Variants in BLTP1 observed in about 807,000 individuals in gnomAD.
BLTP1 encodes the protein bridge-like lipid transfer protein family member 1, also known as fragile site-associated protein.
the BLTP1 span, among the ~76,000 whole-genome samples, chr4:122,296,797 A>G: frequency 6.6e-6 from 1 of 152,210 alleles, no homozygotes; most frequent in Non-Finnish European, 1.5e-5. Context: ...GACAAACTTG[A>G]CAAAAAACAA....
the BLTP1 span, chr4:122,227,123 G>T: frequency 1.3e-6 from 1 of 772,300 alleles, no homozygotes; most frequent in Non-Finnish European, 1.6e-6. Context: ...TATACTTGTT[G>T]GGATATGGCT....
chr4:122,304,889 C>A, the BLTP1 span: 2 of 1,613,942 alleles, frequency 1.2e-6, no homozygotes, highest in Non-Finnish European at 1.7e-6. Context: ...CGACTTCAAA[C>A]CAAAGCTTCA....
chr4:122,307,595 G>A, the BLTP1 span: 4 of 985,114 alleles, frequency 4.1e-6, no homozygotes, highest in East Asian at 2.3e-4. Context: ...TTTAAAAGAA[G>A]TAACAGCTCT....
chr4:122,198,941 A>T, the BLTP1 span, among the ~76,000 whole-genome samples: 1 of 152,118 alleles, frequency 6.6e-6, no homozygotes, highest in East Asian at 1.9e-4. Flanking sequence ...AGAATGGACT[A>T]TATTGCTGAG....
the BLTP1 span, chr4:122,272,018 A>G: frequency 9.0e-7 from 1 of 1,107,860 alleles, no homozygotes; most frequent in Non-Finnish European, 1.3e-6. Flanking sequence ...TGTTGAAGAA[A>G]TTTTTAATCA....
At chr4:122,300,030 GAGTC>G in the BLTP1 span, 1 of 762,996 alleles carries the variant, frequency 1.3e-6, no homozygotes, top group Non-Finnish European at 1.6e-6. Flanking sequence ...TTTTGTTTTT[GAGTC>G]AGTCTCTGTC....
the BLTP1 span, chr4:122,256,225 C>A: frequency 1.1e-6 from 1 of 951,634 alleles, no homozygotes; most frequent in African/African-American, 1.8e-5. Context: ...TCAAGAATCT[C>A]TAGTAAGTGT....
At chr4:122,182,746 G>A in the BLTP1 span, 1 of 985,174 alleles carries the variant, frequency 1.0e-6, no homozygotes, top group Non-Finnish European at 1.2e-6. Context: ...CACATTCACT[G>A]CTCCCTTTCT....
At chr4:122,222,435 T>C in the BLTP1 span, among the ~76,000 whole-genome samples, 1 of 152,182 alleles carries the variant, frequency 6.6e-6, no homozygotes, top group African/African-American at 2.4e-5. Flanking sequence ...TTTGTGGTCA[T>C]CTTATGTATT....
the BLTP1 span, among the ~76,000 whole-genome samples, chr4:122,321,053 A>G: frequency 1.4e-5 from 2 of 139,346 alleles, no homozygotes; most frequent in African/African-American, 2.7e-5. Flanking sequence ...TCGGCTTATG[A>G]TTGGGTTACA....
the BLTP1 span, chr4:122,199,950 T>C: frequency 5.1e-6 from 5 of 973,390 alleles, no homozygotes; most frequent in Non-Finnish European, 6.1e-6. Flanking sequence ...AAATTGCTGA[T>C]TGGGGACTCA....
At chr4:122,211,157 T>G in the BLTP1 span, 14 of 1,426,362 alleles carry the variant, frequency 9.8e-6, no homozygotes, top group Non-Finnish European at 1.2e-5. Context: ...AAAATTTAAT[T>G]GAAAATTGAG....
chr4:122,308,111 T>A, the BLTP1 span: 1 of 1,613,468 alleles, frequency 6.2e-7, no homozygotes, highest in Non-Finnish European at 8.5e-7. Flanking sequence ...TTTCTCCAGC[T>A]CACTGTCAAT....
the BLTP1 span, chr4:122,269,016 C>A: frequency 4.1e-5 from 23 of 555,252 alleles, no homozygotes; most frequent in African/African-American, 2.9e-4. Context: ...TTTAAGTAAA[C>A]CACAGTAACT....
the BLTP1 span, among the ~76,000 whole-genome samples, chr4:122,310,028 A>G: frequency 3.3e-5 from 5 of 151,970 alleles, no homozygotes; most frequent in African/African-American, 9.7e-5. Flanking sequence ...TTTAAATATT[A>G]TAGCAGAGTT....
At chr4:122,345,739 A>G in the BLTP1 span, among the ~76,000 whole-genome samples, 9 of 152,068 alleles carry the variant, frequency 5.9e-5, no homozygotes, top group African/African-American at 1.9e-4. Flanking sequence ...AAGACAGGAA[A>G]GAAAAGATGC....
At chr4:122,257,884 T>G in the BLTP1 span, among the ~76,000 whole-genome samples, 1 of 152,210 alleles carries the variant, frequency 6.6e-6, no homozygotes, top group Admixed American at 6.5e-5. Flanking sequence ...CTTCTCTTGA[T>G]CTATCCAGGA....
At chr4:122,206,302 A>G in the BLTP1 span, among the ~76,000 whole-genome samples, 9 of 152,006 alleles carry the variant, frequency 5.9e-5, no homozygotes, top group South Asian at 1.0e-3. Context: ...TGAAAGCGAG[A>G]TACCATTTTT....
the BLTP1 span, chr4:122,251,182 G>A: frequency 1.1e-6 from 1 of 895,714 alleles, no homozygotes. Flanking sequence ...GTATGGTCAT[G>A]TTATTGACCT....
Sources: allele counts gnomAD v4.1 joint callset (sites outside exome capture counted in the v4.1 genomes callset), GRCh38; gene constraint gnomAD v4.1.1; transcripts MANE v1.5; gene names NCBI Gene and HGNC (gene_info 2026-07-23, HGNC 2026-07-21).